Variants in GRIP2 observed in about 807,000 individuals in gnomAD.
The protein encoded by GRIP2 is glutamate receptor interacting protein 2.
GRIP2 carries 58 observed loss-of-function variants against 108.3 expected under a neutral mutation model. The observed-to-expected ratio is 0.54, with a 90% CI of 0.43 to 0.67. GRIP2 has a LOEUF of 0.67. GRIP2 is among the 30% of genes least tolerant of loss of function. The probability of loss-of-function intolerance (pLI) is 0.00; values close to 1 mark genes in which losing one functional copy is unlikely to be tolerated. For synonymous variants in GRIP2, 586 were observed against 598.2 expected, an observed-to-expected ratio of 0.98 and a Z score of 0.30; for missense variants, 1,278 against 1,430.6, an observed-to-expected ratio of 0.89 and a Z score of 1.72.
the GRIP2 span, among the ~76,000 whole-genome samples, chr3:14,599,117 T>A: frequency 3.3e-5 from 5 of 152,230 alleles, no homozygotes; most frequent in Non-Finnish European, 5.9e-5. Flanking sequence ...ATGTAAACTC[T>A]GTTTCACAGG....
In GRIP2 at chr3:14,512,675, A is replaced by T. The variant is rs944513715; in HGVS notation, c.1720+102T>A. Reference sequence around the variant, plus strand: ...CCCAAGCCTTTTCCTCGGGCCCCGCAGGGTGTCACGCCATGGAAATGCTGG... The same window carrying T: ...CCCAAGCCTTTTCCTCGGGCCCCGCTGGGTGTCACGCCATGGAAATGCTGG... On this transcript the variant is annotated intron_variant, in intron 14 of 23. Coordinates refer to ENST00000621039, the MANE Select transcript of GRIP2 (RefSeq NM_001080423.4). The surrounding 1 kb of genome is among the most constrained non-coding windows in gnomAD (Gnocchi z 5.1). The T allele has an allele frequency of 1.3e-5, 15 of 1,131,720 alleles. No homozygotes were observed. In the Admixed American group the frequency reaches 2.9e-4, roughly 22 times the overall value. The allele number at this position is 1,131,720 out of a possible 1,614,324, so 70.1% of individuals were successfully genotyped here. A position where few individuals can be genotyped will look rare whatever the true frequency, so the allele number is the denominator to read the frequency against.
At chr3:14,589,645 G>C in the GRIP2 span, among the ~76,000 whole-genome samples, 2 of 152,100 alleles carry the variant, frequency 1.3e-5, no homozygotes, top group Admixed American at 6.6e-5. Context: ...GAGAAGGAAC[G>C]GCCGGGTCAA....
intron 1 of GRIP2, among the ~76,000 whole-genome samples, chr3:14,532,333 G>A (rs1442395982): frequency 2.0e-5 from 3 of 152,014 alleles, no homozygotes; most frequent in African/African-American, 7.2e-5. Context: ...AGTGGCCTGA[G>A]TCAAGGTCAG....
At chr3:14,509,323 G>A (rs13095733) in intron 17 of GRIP2, among the ~76,000 whole-genome samples, 57,880 of 152,134 alleles carry the variant, frequency 0.38, 11,813 homozygotes, top group East Asian at 0.57. Context: ...ACTGGGGGTC[G>A]GGTTCCATCT....
chr3:14,509,553 C>A (rs1694025137), intron 17 of GRIP2, among the ~76,000 whole-genome samples: 1 of 152,264 alleles, frequency 6.6e-6, no homozygotes, highest in South Asian at 2.1e-4. Context: ...CAGGTAGGAG[C>A]AGGAAGATGC....
intron 4 of GRIP2, chr3:14,524,011 A>T: frequency 2.1e-6 from 1 of 480,092 alleles, no homozygotes; most frequent in South Asian, 2.9e-5. Flanking sequence ...AAACTTCAAG[A>T]CTTTAGACCA....
At chr3:14,526,754 T>C (rs1694565032) in intron 1 of GRIP2, among the ~76,000 whole-genome samples, 1 of 152,220 alleles carries the variant, frequency 6.6e-6, no homozygotes, top group Admixed American at 6.5e-5. Context: ...TCATCTGCAA[T>C]GAAATCTGTC....
intron 11 of GRIP2, among the ~76,000 whole-genome samples, chr3:14,514,682 G>A (rs981816927): frequency 3.9e-5 from 6 of 152,192 alleles, no homozygotes; most frequent in Admixed American, 1.3e-4. Flanking sequence ...TTCCCACCTC[G>A]TGGGGTGTGG....
chr3:14,579,336 T>C, the GRIP2 span, among the ~76,000 whole-genome samples: 1 of 152,234 alleles, frequency 6.6e-6, no homozygotes, highest in East Asian at 1.9e-4. Flanking sequence ...CATAAAAATG[T>C]ATACACTTGT....
At position 14,490,898 on chromosome 3, in the gene GRIP2, C is replaced by T. The variant is rs1329123436; in HGVS notation, c.*2767G>A. The T allele has an allele frequency of 6.6e-6, 1 of 152,238 alleles. No homozygotes were observed. The highest frequency in any genetic ancestry group is 2.4e-5 in the African/African-American group (1 of 41,460). 9.4% of individuals were successfully genotyped at this position (152,238 alleles called of 1,614,324 possible). A position where few individuals can be genotyped will look rare whatever the true frequency, so the allele number is the denominator to read the frequency against. ...AAGCCCCTCACCCTGGTCCCTCTAT[C>T]CCGTTACTCCCTTGTTTTCTTTGTT... On this transcript the variant is annotated 3_prime_UTR_variant, in exon 24 of 24. Coordinates refer to ENST00000621039, the MANE Select transcript of GRIP2 (RefSeq NM_001080423.4).
chr3:14,514,621 C>A, intron 11 of GRIP2, 143 bp from the exon 12 acceptor site: 1 of 758,564 alleles, frequency 1.3e-6, no homozygotes. Flanking sequence ...CCAGACAGAT[C>A]ACAGCTCACT....
chr3:14,511,499 G>C lies in GRIP2; in HGVS notation c.1721-20C>G. ...TGGCCGCTGGAGAAAAAGAGGCCATGAATCTGACCTTGGTGGCCTCAGCCT... is the reference window on the plus strand; with the variant it reads ...TGGCCGCTGGAGAAAAAGAGGCCATCAATCTGACCTTGGTGGCCTCAGCCT... On this transcript the variant is annotated intron_variant, in intron 14 of 23. Transcript: ENST00000621039. This position sits in a 1 kb window ranked among gnomAD's most constrained non-coding sequence, Gnocchi z 4.1. 1 of 1,611,766 alleles carries C rather than the reference G, an allele frequency of 6.2e-7. No homozygotes were observed. Among genetic ancestry groups the C allele is most frequent in the South Asian group, 1.1e-5 (1 of 90,908 alleles).
chr3:14,601,543 G>T, the GRIP2 span, among the ~76,000 whole-genome samples: 1 of 152,204 alleles, frequency 6.6e-6, no homozygotes, highest in Non-Finnish European at 1.5e-5. Context: ...GCGAGGAGTG[G>T]AGGGTCTGCT....
chr3:14,505,869 G>A lies in GRIP2; in HGVS notation c.2399-80C>T, dbSNP rs149540055. 7.4e-4 allele frequency: 1,011 copies of A among 1,369,464 alleles called. 1 individual carries two copies. The highest frequency in any genetic ancestry group is 4.2e-4 in the Non-Finnish European group (430 of 1,029,120). The allele number at this position is 1,369,464 out of a possible 1,614,324, so 84.8% of individuals were successfully genotyped here. On this transcript the variant is annotated intron_variant, in intron 19 of 23. Transcript: ENST00000621039. This position sits in a 1 kb window ranked among gnomAD's most constrained non-coding sequence, Gnocchi z 4.2. ...CCTGCCCCATTTCCAGCTGTGCTGA[G>A]TGACCCTGGGGAGGTCGTTGCTCCT...
In GRIP2 at chr3:14,537,905, A is replaced by T. The variant is rs572257536; in HGVS notation, c.40+2364T>A. Among the ~76,000 whole-genome samples the T allele has an allele frequency of 4.6e-5, 7 of 152,340 alleles. 1 individual carries two copies. In the South Asian group the frequency reaches 1.4e-3, roughly 32 times the overall value. On this transcript the variant is annotated intron_variant, in intron 1 of 23. Coordinates refer to ENST00000621039, the MANE Select transcript of GRIP2 (RefSeq NM_001080423.4). ...GAGTCAGAGCAGGCCTCCCGTCCTCAAGGCAGGAGAGTGAACATGGAGAGG... is the reference window on the plus strand; with the variant it reads ...GAGTCAGAGCAGGCCTCCCGTCCTCTAGGCAGGAGAGTGAACATGGAGAGG...
At chr3:14,583,513 A>G in the GRIP2 span, among the ~76,000 whole-genome samples, 2 of 152,168 alleles carry the variant, frequency 1.3e-5, no homozygotes, top group African/African-American at 4.8e-5. Context: ...TTCCCTGACC[A>G]GAGCTCAGCT....
intron 1 of GRIP2, among the ~76,000 whole-genome samples, chr3:14,538,498 A>T (rs1694887023): frequency 6.6e-6 from 1 of 152,240 alleles, no homozygotes; most frequent in South Asian, 2.1e-4. Flanking sequence ...AGTGAAGCAG[A>T]GCAAGCTACG....
rs1694525026 is a variant in GRIP2, at chr3:14,525,385, C to T, written c.257+52G>A. 6 of 1,596,444 alleles carry T rather than the reference C, an allele frequency of 3.8e-6. No homozygotes were observed. In the African/African-American group the frequency reaches 8.0e-5, roughly 21 times the overall value. ...ACATTTTCCACTGGCCCTGGGCTCC[C>T]ATCATTGCCTCTGCACCCCCCTCCT... is the stretch of plus-strand genomic sequence containing the variant. On this transcript the variant is annotated intron_variant, in intron 3 of 23. Coordinates refer to ENST00000621039, the MANE Select transcript of GRIP2 (RefSeq NM_001080423.4).
At chr3:14,548,033 G>A (rs1695083536) in intron 1 of GRIP2, among the ~76,000 whole-genome samples, 1 of 152,172 alleles carries the variant, frequency 6.6e-6, no homozygotes, top group African/African-American at 2.4e-5. Context: ...ACAGAGTCAG[G>A]GATGGTCAGA....
Sources: gnomAD v4.1 joint callset for allele counts (sites outside exome capture counted in the v4.1 genomes callset) on GRCh38, gnomAD v4.1.1 for gene constraint, Gnocchi (gnomAD v3.1) non-coding constraint, MANE v1.5 for transcripts, NCBI Gene and HGNC (gene_info 2026-07-23, HGNC 2026-07-21) for gene names.